The following C1orf198 variants were observed in gnomAD, a reference collection of about 807,000 sequenced individuals.
The protein encoded by C1orf198 is chromosome 1 open reading frame 198, also known as uncharacterized protein C1orf198.
Under a neutral mutation model 31.4 loss-of-function variants are expected in C1orf198, and 17 were observed. That is an observed-to-expected ratio of 0.54 (90% CI 0.37 to 0.81). The LOEUF is 0.81. Among genes scored for constraint, C1orf198 ranks in the 40% least tolerant of loss-of-function variants. C1orf198 has a pLI of 0.00. For synonymous variants in C1orf198, 175 were observed against 193.8 expected, an observed-to-expected ratio of 0.90 and a Z score of 0.81; for missense variants, 401 against 450.3, an observed-to-expected ratio of 0.89 and a Z score of 0.99.
chr1:230,843,657 C>T lies in C1orf198; in HGVS notation c.624G>A (p.Gln208=). Residue 208 remains glutamine (Q), a synonymous_variant, in exon 3 of 4, where the codon CAG becomes CAA. Coordinates refer to ENST00000366663, the MANE Select transcript of C1orf198 (RefSeq NM_032800.3). This position sits in a 1 kb window ranked among gnomAD's most constrained non-coding sequence, Gnocchi z 4.9. The part of the protein sequence containing the change: ...SRGEGPEAEF[Q]SLTPSQIKSM... ...ACTTGATCTGGCTAGGGGTCAGCGA[C>T]TGGAACTCGGCCTCAGGCCCCTCCC... is the stretch of plus-strand genomic sequence containing the variant. 6.2e-7 allele frequency: 1 copy of T among 1,614,222 alleles called. No homozygotes were observed. Among genetic ancestry groups the T allele is most frequent in the Non-Finnish European group, 8.5e-7 (1 of 1,180,038 alleles).
chr1:230,861,710 G>C (rs1019297699), intron 1 of C1orf198, among the ~76,000 whole-genome samples: 2 of 152,190 alleles, frequency 1.3e-5, no homozygotes, highest in African/African-American at 4.8e-5. Context: ...AAGTGTTTCT[G>C]GTGTGTGGAT....
intron 1 of C1orf198, among the ~76,000 whole-genome samples, chr1:230,867,331 G>A (rs1460057272): frequency 2.0e-5 from 3 of 152,148 alleles, no homozygotes; most frequent in Non-Finnish European, 4.4e-5. Context: ...AGATTCAGGC[G>A]TTTGTGACTA....
chr1:230,854,900 T>C (rs544175497), intron 2 of C1orf198, among the ~76,000 whole-genome samples: 9 of 152,284 alleles, frequency 5.9e-5, no homozygotes, highest in African/African-American at 1.9e-4. Context: ...AAAACCCTGA[T>C]CTGCCCAGCA....
chr1:230,849,443 C>T lies in C1orf198; in HGVS notation c.385-5547G>A, dbSNP rs112031713. Among the ~76,000 whole-genome samples, 545 of 152,262 alleles carry T rather than the reference C, an allele frequency of 3.6e-3. 3 individuals are homozygous for T. Among genetic ancestry groups the T allele is most frequent in the African/African-American group, 0.013 (524 of 41,540 alleles). On this transcript the variant is annotated intron_variant, in intron 2 of 3. Coordinates refer to ENST00000366663, the MANE Select transcript of C1orf198 (RefSeq NM_032800.3). ...GAGATAGGAGAGTCCACAAGGAAGC[C>T]GTCCCTCCTGACGGCAACACTGACA...
chr1:230,843,692 G>A lies in C1orf198; in HGVS notation c.589C>T (p.Arg197Trp), dbSNP rs759429065. 1.1e-5 allele frequency: 17 copies of A among 1,614,014 alleles called. No individual in the cohort carries two copies. The highest frequency in any genetic ancestry group is 7.7e-5 in the South Asian group (7 of 91,092). ...GCCTCAGGCCCCTCCCCTCGGGACC[G>A]CTCAGCATTGATCTTCCAGAATGAC... Reference protein sequence around the residue: ...EASFWKINAERSRGEGPEAEF... With the variant: ...EASFWKINAEWSRGEGPEAEF... The change falls in exon 3 of 4, where the codon CGG (arginine) becomes TGG (tryptophan). Residue 197 changes from arginine (R) to tryptophan (W), a missense_variant. Coordinates refer to ENST00000366663, the MANE Select transcript of C1orf198 (RefSeq NM_032800.3). The surrounding 1 kb of genome is among the most constrained non-coding windows in gnomAD (Gnocchi z 4.9).
At chr1:230,854,909 C>G (rs919202442) in intron 2 of C1orf198, among the ~76,000 whole-genome samples, 2 of 152,166 alleles carry the variant, frequency 1.3e-5, no homozygotes, top group Non-Finnish European at 2.9e-5. Context: ...ATCTGCCCAG[C>G]AGTCCGAGCC....
At chr1:230,848,490 C>T (rs372399394) in intron 2 of C1orf198, among the ~76,000 whole-genome samples, 2 of 151,986 alleles carry the variant, frequency 1.3e-5, no homozygotes, top group African/African-American at 2.4e-5. Context: ...AACAGCAGAG[C>T]GGGGTGACTC....
At chr1:230,842,902 A>G (rs1393553365) in intron 3 of C1orf198, among the ~76,000 whole-genome samples, 1 of 152,366 alleles carries the variant, frequency 6.6e-6, no homozygotes, top group African/African-American at 2.4e-5. Context: ...GGCAAGACCC[A>G]GTGAGGCCTC....
At position 230,843,502 on chromosome 1, in the gene C1orf198, G is replaced by C; in HGVS notation, c.779C>G (p.Thr260Ser). ...QEQRPLPNVS[T>S]ERERPQPVQA... ...GACAGGCTGGGGTCTCTCACGTTCGGTGCTCACGTTGGGAAGAGGACGCTG... is the reference window on the plus strand; with the variant it reads ...GACAGGCTGGGGTCTCTCACGTTCGCTGCTCACGTTGGGAAGAGGACGCTG... The change falls in exon 3 of 4, where the codon ACC becomes AGC. Residue 260 changes from threonine to serine, a missense_variant. Coordinates refer to ENST00000366663, the MANE Select transcript of C1orf198 (RefSeq NM_032800.3). The surrounding 1 kb of genome is among the most constrained non-coding windows in gnomAD (Gnocchi z 4.9). 1 of 1,612,482 alleles carries C rather than the reference G, an allele frequency of 6.2e-7. No individual in the cohort carries two copies. The highest frequency in any genetic ancestry group is 8.5e-7 in the Non-Finnish European group (1 of 1,179,094).
In C1orf198 at chr1:230,843,685, C is replaced by T. The variant is rs749135657; in HGVS notation, c.596G>A (p.Arg199Gln). The part of the protein sequence containing the change: ...SFWKINAERS[R>Q]GEGPEAEFQS... Reference sequence around the variant, plus strand: ...GAACTCGGCCTCAGGCCCCTCCCCTCGGGACCGCTCAGCATTGATCTTCCA... The same window carrying T: ...GAACTCGGCCTCAGGCCCCTCCCCTTGGGACCGCTCAGCATTGATCTTCCA... Residue 199 changes from arginine (R) to glutamine (Q), a missense_variant, in exon 3 of 4, where the codon CGA becomes CAA. By Grantham distance (43) the Arg-to-Gln change is conservative (BLOSUM62 1). Coordinates refer to ENST00000366663, the MANE Select transcript of C1orf198 (RefSeq NM_032800.3). The surrounding 1 kb of genome is among the most constrained non-coding windows in gnomAD (Gnocchi z 4.9). 8.7e-6 allele frequency: 14 copies of T among 1,614,128 alleles called. No homozygotes were observed. Among genetic ancestry groups the T allele is most frequent in the Admixed American group, 3.3e-5 (2 of 60,028 alleles).
chr1:230,854,224 C>A (rs1669810454), intron 2 of C1orf198, among the ~76,000 whole-genome samples: 1 of 152,146 alleles, frequency 6.6e-6, no homozygotes, highest in African/African-American at 2.4e-5. Context: ...TCACCATACC[C>A]AAGGCTGCTC....
rs1227272214 is a variant in C1orf198 at position 230,857,910 on chromosome 1, G to A, written c.334-2192C>T. On this transcript the variant is annotated intron_variant, in intron 1 of 3. Transcript: ENST00000366663. The surrounding 1 kb of genome is among the most constrained non-coding windows in gnomAD (Gnocchi z 4.2). ...GTAAGATGACCCCCATCCTCAGAGT[G>A]TTACAGTCACTGTCCTGTAATGGTA... Among the ~76,000 whole-genome samples the A allele has an allele frequency of 6.6e-6, 1 of 152,208 alleles. No homozygotes were observed. The highest frequency in any genetic ancestry group is 1.5e-5 in the Non-Finnish European group (1 of 68,036).
chr1:230,848,027 A>G (rs540386944), intron 2 of C1orf198, among the ~76,000 whole-genome samples: 54 of 152,312 alleles, frequency 3.5e-4, no homozygotes, highest in African/African-American at 1.3e-3. Context: ...GGGCTGCTTC[A>G]GGGGCGCTGC....
intron 1 of C1orf198, among the ~76,000 whole-genome samples, chr1:230,859,209 G>T: frequency 6.6e-6 from 1 of 152,162 alleles, no homozygotes; most frequent in Non-Finnish European, 1.5e-5. Context: ...AATCAGAATT[G>T]CAAAGTGGCG....
intron 2 of C1orf198, among the ~76,000 whole-genome samples, chr1:230,853,605 G>A (rs945909833): frequency 6.6e-5 from 10 of 152,116 alleles, no homozygotes; most frequent in East Asian, 5.8e-4. Context: ...GTCTGACCTC[G>A]AGAGATCAAA....
chr1:230,864,739 T>A (rs527873513), intron 1 of C1orf198, among the ~76,000 whole-genome samples: 28 of 152,222 alleles, frequency 1.8e-4, no homozygotes, highest in African/African-American at 6.5e-4. Context: ...TTAGGGCCCA[T>A]CTGGAGCCAA....
In C1orf198 at chr1:230,855,705, T is replaced by C; in HGVS notation, c.347A>G (p.Gln116Arg). ...GGAGAAAGGGGCAGAGTGCTCATCT[T>C]GCCAAGTTAGATCCTGAAATAAAAA... is the stretch of plus-strand genomic sequence containing the variant. ...VRFGDEDLTW[Q>R]DEHSAPFSWE... Residue 116 changes from glutamine to arginine, a missense_variant, in exon 2 of 4, where the codon CAA becomes CGA. Transcript: ENST00000366663. 6.2e-7 allele frequency: 1 copy of C among 1,613,368 alleles called. No individual in the cohort carries two copies. The highest frequency in any genetic ancestry group is 8.5e-7 in the Non-Finnish European group (1 of 1,179,562).
At chr1:230,868,128 C>A in intron 1 of C1orf198, 52 bp downstream of exon 1, 2 of 1,150,016 alleles carry the variant, frequency 1.7e-6, no homozygotes, top group Non-Finnish European at 2.2e-6. Context: ...CGGGCCGGGG[C>A]GCCTCGGGGC....
intron 1 of C1orf198, 48 bp from the exon 2 acceptor site, chr1:230,855,766 C>A (rs374621919): frequency 7.5e-6 from 12 of 1,605,986 alleles, no homozygotes; most frequent in East Asian, 6.7e-5. Context: ...CCCAGACATA[C>A]CCCATGCAAA....
Sources: gnomAD v4.1 joint callset for allele counts (sites outside exome capture counted in the v4.1 genomes callset) on GRCh38, gnomAD v4.1.1 for gene constraint, Gnocchi (gnomAD v3.1) non-coding constraint, MANE v1.5 for transcripts, NCBI Gene and HGNC (gene_info 2026-07-23, HGNC 2026-07-21) for gene names.